Variants in RANBP2 observed in about 807,000 individuals in gnomAD.
The protein encoded by RANBP2 is RAN binding protein 2, also known as E3 SUMO-protein ligase RanBP2.
RANBP2 carries 57 observed loss-of-function variants against 303.6 expected under a neutral mutation model. The ratio of observed to expected loss-of-function variants is 0.19; its 90% CI spans 0.15 to 0.23. The LOEUF (loss-of-function observed/expected upper bound fraction) is 0.23, where lower values mean the gene tolerates loss of function less well. RANBP2 is among the 10% of genes least tolerant of loss of function. RANBP2 has a pLI of 1.00. For missense variants in RANBP2, 3,138 were observed against 3,780.8 expected (o/e 0.83, Z 4.46); for synonymous variants, 1,167 against 1,301.5 (o/e 0.90, Z 2.23).
the RANBP2 span, among the ~76,000 whole-genome samples, chr2:109,049,458 T>C: frequency 6.6e-6 from 1 of 152,160 alleles, no homozygotes. Flanking sequence ...TCTCTGCTTG[T>C]CCTGTTCAGA....
chr2:109,535,435 A>G, the RANBP2 span, among the ~76,000 whole-genome samples: 2 of 152,084 alleles, frequency 1.3e-5, no homozygotes, highest in South Asian at 2.1e-4. Context: ...GGCTTCACAC[A>G]TTTGACACGG....
At chr2:109,439,329 TCA>T in the RANBP2 span, among the ~76,000 whole-genome samples, 1 of 152,136 alleles carries the variant, frequency 6.6e-6, no homozygotes, top group African/African-American at 2.4e-5. Flanking sequence ...GCTATTGCTG[TCA>T]CAGCCAGGTT....
At chr2:109,471,496 G>T in the RANBP2 span, among the ~76,000 whole-genome samples, 3 of 152,142 alleles carry the variant, frequency 2.0e-5, no homozygotes, top group African/African-American at 7.2e-5. Flanking sequence ...CCTCCCTCCA[G>T]GTCCCTCTTT....
the RANBP2 span, among the ~76,000 whole-genome samples, chr2:109,685,686 A>G: frequency 2.6e-5 from 4 of 152,322 alleles, no homozygotes; most frequent in African/African-American, 9.6e-5. Context: ...CACAGAGGGC[A>G]TGTGGATTGG....
At chr2:109,481,060 C>T in the RANBP2 span, among the ~76,000 whole-genome samples, 1 of 152,194 alleles carries the variant, frequency 6.6e-6, no homozygotes, top group Non-Finnish European at 1.5e-5. Flanking sequence ...GGACAGGCAG[C>T]CTGAGGGCAT....
chr2:109,346,125 C>T, the RANBP2 span, among the ~76,000 whole-genome samples: 1 of 152,186 alleles, frequency 6.6e-6, no homozygotes, highest in Non-Finnish European at 1.5e-5. Context: ...GCTCGTTACA[C>T]ACTATTGTGC....
At chr2:109,171,540 G>T in the RANBP2 span, among the ~76,000 whole-genome samples, 1 of 152,250 alleles carries the variant, frequency 6.6e-6, no homozygotes, top group Non-Finnish European at 1.5e-5. Flanking sequence ...TTCGCCCGCG[G>T]CGGGCCAGGG....
At chr2:109,344,837 C>T in the RANBP2 span, among the ~76,000 whole-genome samples, 2 of 152,120 alleles carry the variant, frequency 1.3e-5, no homozygotes, top group African/African-American at 4.8e-5. Flanking sequence ...GGACAGACAG[C>T]CTCTAGGAGC....
rs1279946059 is a variant in RANBP2 at position 108,766,978 on chromosome 2, T to G, written c.6439T>G (p.Leu2147Val). ...ATTTGAGGAATGCCAGCGGCTTCTG[T>G]TAGACATACCACTTCAAACTCCCCA... ...QKFEECQRLL[L>V]DIPLQTPHKL... is the part of the protein sequence containing the mutation. The change falls in exon 20 of 29, where the codon TTA becomes GTA. Residue 2147 changes from leucine (L) to valine (V), a missense_variant. Physicochemically the swap from Leu to Val is conservative, Grantham distance 32. Around this residue, in one of 20 missense-constraint regions of RANBP2, gnomAD observed 103 missense variants for 214.3 expected, o/e 0.48. Transcript: ENST00000283195. 3 of 1,609,290 alleles carry G rather than the reference T, an allele frequency of 1.9e-6. No individual in the cohort carries two copies. Among genetic ancestry groups the G allele is most frequent in the Non-Finnish European group, 2.5e-6 (3 of 1,179,822 alleles).
chr2:109,192,819 G>T, the RANBP2 span, among the ~76,000 whole-genome samples: 1 of 152,190 alleles, frequency 6.6e-6, no homozygotes, highest in African/African-American at 2.4e-5. Flanking sequence ...AATGGTCATT[G>T]GGATGGCTTT....
chr2:109,089,130 G>C, the RANBP2 span, among the ~76,000 whole-genome samples: 3 of 151,926 alleles, frequency 2.0e-5, no homozygotes, highest in African/African-American at 7.2e-5. Flanking sequence ...AAGCGAGAGA[G>C]AGGCAAACAA....
the RANBP2 span, among the ~76,000 whole-genome samples, chr2:109,677,575 T>A: frequency 6.6e-6 from 1 of 152,152 alleles, no homozygotes; most frequent in Non-Finnish European, 1.5e-5. Context: ...AGCAAAGCAC[T>A]TAAAAATCCA....
the RANBP2 span, among the ~76,000 whole-genome samples, chr2:109,329,632 C>G: frequency 1.3e-5 from 2 of 152,220 alleles, no homozygotes; most frequent in Non-Finnish European, 2.9e-5. Flanking sequence ...AGGGAGGACA[C>G]TTTAGCAGAG....
chr2:109,643,640 CT>C, the RANBP2 span, among the ~76,000 whole-genome samples: 1 of 151,910 alleles, frequency 6.6e-6, no homozygotes, highest in African/African-American at 2.4e-5. Context: ...TGGCACGTGA[CT>C]GTGGTCCCAG....
chr2:109,342,373 T>C, the RANBP2 span, among the ~76,000 whole-genome samples: 4,268 of 152,264 alleles, frequency 0.028, 109 homozygotes, highest in African/African-American at 0.07. Context: ...TCAGTAGATA[T>C]ATGGAGCGTA....
the RANBP2 span, among the ~76,000 whole-genome samples, chr2:109,025,487 A>G: frequency 6.6e-6 from 1 of 152,206 alleles, no homozygotes; most frequent in Non-Finnish European, 1.5e-5. Context: ...AGCCAAAAAT[A>G]TTTTCTGGAA....
At chr2:109,143,640 G>C in the RANBP2 span, among the ~76,000 whole-genome samples, 1 of 152,094 alleles carries the variant, frequency 6.6e-6, no homozygotes, top group Non-Finnish European at 1.5e-5. Context: ...TGTAGTCCTA[G>C]ATACATAAGA....
At chr2:109,217,561 AT>A in the RANBP2 span, among the ~76,000 whole-genome samples, 1 of 152,132 alleles carries the variant, frequency 6.6e-6, no homozygotes, top group Non-Finnish European at 1.5e-5. Flanking sequence ...CTTCCGGCAG[AT>A]TTTTCTCTAC....
At chr2:109,686,489 A>G in the RANBP2 span, among the ~76,000 whole-genome samples, 1 of 151,832 alleles carries the variant, frequency 6.6e-6, no homozygotes, top group Non-Finnish European at 1.5e-5. Context: ...TAATTTTTGT[A>G]TTTTTAGTAT....
Sources: gnomAD v4.1 joint callset for allele counts (sites outside exome capture counted in the v4.1 genomes callset) on GRCh38, gnomAD v4.1.1 for gene constraint, gnomAD v4.1.1 regional missense constraint, MANE v1.5 for transcripts, NCBI Gene and HGNC (gene_info 2026-07-23, HGNC 2026-07-21) for gene names.